Variants in TRPM7 observed in about 807,000 individuals in gnomAD.
TRPM7 encodes the protein LTRPC ion channel family member 7.
Under a neutral mutation model 229.7 loss-of-function variants are expected in TRPM7, and 134 were observed. That is an observed-to-expected ratio of 0.58 (90% CI 0.51 to 0.67). TRPM7 has a LOEUF of 0.67. TRPM7 is among the 30% of genes least tolerant of loss of function. The pLI, the probability that TRPM7 is intolerant of heterozygous loss-of-function variation, is 0.00. For synonymous variants in TRPM7, 699 were observed against 715.2 expected (o/e 0.98, Z 0.36); for missense variants, 1,901 against 2,210.0 (o/e 0.86, Z 2.80).
intron 3 of TRPM7, among the ~76,000 whole-genome samples, chr15:50,653,916 GT>G (rs374634508): frequency 2.0e-4 from 30 of 152,160 alleles, no homozygotes; most frequent in African/African-American, 6.7e-4. Flanking sequence ...TTAGTTCAGC[GT>G]GAAAAGACAT....
chr15:50,637,113 G>A (rs1308394970), intron 7 of TRPM7, among the ~76,000 whole-genome samples: 1 of 146,758 alleles, frequency 6.8e-6, no homozygotes, highest in East Asian at 2.0e-4. Flanking sequence ...GTGACAGAGC[G>A]AGACTCCGCC....
chr15:50,668,501 T>A (rs1567117024), intron 1 of TRPM7, among the ~76,000 whole-genome samples: 1 of 152,048 alleles, frequency 6.6e-6, no homozygotes, highest in Non-Finnish European at 1.5e-5. Context: ...TGGCAATAGA[T>A]TTGTTTTTGT....
intron 2 of TRPM7, among the ~76,000 whole-genome samples, chr15:50,660,962 A>C (rs2061706467): frequency 6.6e-6 from 1 of 151,942 alleles, no homozygotes; most frequent in Non-Finnish European, 1.5e-5. Flanking sequence ...CAATAACAGA[A>C]TATTAACTAC....
At position 50,613,740 on chromosome 15, in the gene TRPM7, A is replaced by G. The variant is rs1404970665; in HGVS notation, c.1737T>C (p.His579=). 10 of 1,612,780 alleles carry G rather than the reference A, an allele frequency of 6.2e-6. No individual in the cohort carries two copies. The highest frequency in any genetic ancestry group is 1.7e-5 in the Admixed American group (1 of 59,844). The change falls in exon 15 of 39, where the codon CAT becomes CAC. Residue 579 remains histidine, a synonymous_variant. Transcript: ENST00000646667. ...GGTAGGGCTGTGCTGTCTTAATGAA[A>G]TGGTTATGCCTCATTTTTTCCTTTT... ...ADKKEKMRHN[H]FIKTAQPYRP...
intron 31 of TRPM7, among the ~76,000 whole-genome samples, chr15:50,578,114 T>G (rs1472891660): frequency 6.6e-6 from 1 of 152,180 alleles, no homozygotes; most frequent in Non-Finnish European, 1.5e-5. Context: ...TAGGCAAAAT[T>G]GTTTTTAGGT....
intron 13 of TRPM7, among the ~76,000 whole-genome samples, chr15:50,618,991 G>T (rs1341727837): frequency 6.6e-6 from 1 of 152,054 alleles, no homozygotes; most frequent in African/African-American, 2.4e-5. Flanking sequence ...TTTTTTAAAG[G>T]GGAGAGAGTT....
chr15:50,679,403 T>C (rs1281551578), intron 1 of TRPM7, among the ~76,000 whole-genome samples: 3 of 147,990 alleles, frequency 2.0e-5, no homozygotes, highest in Non-Finnish European at 4.4e-5. Flanking sequence ...CAACCCATTA[T>C]CTATCAGTGA....
At position 50,596,326 on chromosome 15, in the gene TRPM7, A is replaced by T. The variant is rs1362860897; in HGVS notation, c.3219T>A (p.Thr1073=). 2.5e-6 allele frequency: 4 copies of T among 1,609,846 alleles called. No homozygotes were observed. The highest frequency in any genetic ancestry group is 1.1e-5 in the South Asian group (1 of 90,306). The change falls in exon 23 of 39, where the codon ACT becomes ACA. Residue 1073 remains threonine, a synonymous_variant. Transcript: ENST00000646667. ...PQICGPGTWL[T]PFLQAVYLFV... ...AGAGGTAGACTGCTTGAAGAAATGG[A>T]GTCAACCACGTCCCAGGACCACAGA...
intron 36 of TRPM7, among the ~76,000 whole-genome samples, chr15:50,572,463 A>G (rs991592017): frequency 1.3e-5 from 2 of 152,246 alleles, no homozygotes; most frequent in African/African-American, 4.8e-5. Context: ...AAATTAAGGT[A>G]TGTACACTGT....
At chr15:50,669,836 G>A (rs555313499) in intron 1 of TRPM7, among the ~76,000 whole-genome samples, 1 of 152,164 alleles carries the variant, frequency 6.6e-6, no homozygotes, top group East Asian at 1.9e-4. Flanking sequence ...TCTAATTCTG[G>A]GCACATAATA....
At chr15:50,565,824 T>C (rs2053572908) in intron 38 of TRPM7, among the ~76,000 whole-genome samples, 1 of 118,898 alleles carries the variant, frequency 8.4e-6, no homozygotes, top group Non-Finnish European at 1.9e-5. Context: ...CATAAACTCT[T>C]TTTGTTTTTT....
chr15:50,667,682 G>C (rs1411842367), intron 1 of TRPM7, among the ~76,000 whole-genome samples: 2 of 152,096 alleles, frequency 1.3e-5, no homozygotes, highest in African/African-American at 4.8e-5. Flanking sequence ...ACTCCAGCCT[G>C]GGCAACAGAA....
Position 50,613,690 on chromosome 15 carries a change from T to C in TRPM7, c.1770+17A>G. ...GAAAATAAAAACCCAGAAAGAATAA[T>C]ATTTAAATAAATTTACCTTTGGTCG... On this transcript the variant is annotated intron_variant, in intron 15 of 38. Coordinates refer to ENST00000646667, the MANE Select transcript of TRPM7 (RefSeq NM_017672.6). 6.6e-7 allele frequency: 1 copy of C among 1,507,678 alleles called. No homozygotes were observed. The highest frequency in any genetic ancestry group is 8.8e-7 in the Non-Finnish European group (1 of 1,133,084). The allele number at this position is 1,507,678 out of a possible 1,614,324, so 93.4% of individuals were successfully genotyped here.
chr15:50,587,405 C>CTTTTTTT (rs34826776), intron 27 of TRPM7, among the ~76,000 whole-genome samples: 5 of 91,656 alleles, frequency 5.5e-5, no homozygotes, highest in Admixed American at 1.3e-4. Flanking sequence ...ATAAATACTG[C>CTTTTTTT]TTTTTTTTTT....
At chr15:50,594,660 C>T (rs779152152) in intron 23 of TRPM7, 47 bp from the exon 24 acceptor site, 2 of 1,313,446 alleles carry the variant, frequency 1.5e-6, no homozygotes, top group South Asian at 2.9e-5. Context: ...TTAATCATCT[C>T]TTAAAGTTTT....
chr15:50,613,819 C>A lies in TRPM7; in HGVS notation c.1658G>T (p.Ser553Ile), dbSNP rs766487996. The part of the protein sequence containing the change: ...NNRRSGRNTS[S>I]STPQLRKSHE... Reference sequence around the variant, plus strand: ...ACTCTTTCGCAACTGAGGAGTGCTGCTGGAGGTATTTCGGCCAGACCTCTG... The same window carrying A: ...ACTCTTTCGCAACTGAGGAGTGCTGATGGAGGTATTTCGGCCAGACCTCTG... Residue 553 changes from serine (S) to isoleucine (I), a missense_variant, in exon 15 of 39, where the codon AGC becomes ATC. Ser to Ile is a moderately radical substitution (Grantham distance 142). This residue lies in a region of TRPM7 where 794 missense variants were observed against 881.9 expected (regional missense o/e 0.90). Transcript: ENST00000646667. 1 of 1,612,424 alleles carries A rather than the reference C, an allele frequency of 6.2e-7. No homozygotes were observed. Among genetic ancestry groups the A allele is most frequent in the East Asian group, 2.2e-5 (1 of 44,852 alleles).
chr15:50,634,333 A>G (rs2060824844), intron 8 of TRPM7, 49 bp downstream of exon 8: 1 of 1,255,784 alleles, frequency 8.0e-7, no homozygotes, highest in East Asian at 3.3e-5. Flanking sequence ...TCAAAAATAA[A>G]TAAATAAATA....
chr15:50,667,723 T>C (rs2061915792), intron 1 of TRPM7, among the ~76,000 whole-genome samples: 1 of 152,056 alleles, frequency 6.6e-6, no homozygotes, highest in Non-Finnish European at 1.5e-5. Context: ...AAAAAACATA[T>C]TTAAATAAGA....
At chr15:50,569,246 A>G (rs1226412412) in intron 38 of TRPM7, among the ~76,000 whole-genome samples, 1 of 152,118 alleles carries the variant, frequency 6.6e-6, no homozygotes, top group East Asian at 1.9e-4. Flanking sequence ...ATGCACATCA[A>G]AGAGAGACAA....
Sources: gnomAD v4.1 joint callset for allele counts (sites outside exome capture counted in the v4.1 genomes callset) on GRCh38, gnomAD v4.1.1 for gene constraint, gnomAD v4.1.1 regional missense constraint, MANE v1.5 for transcripts, NCBI Gene and HGNC (gene_info 2026-07-23, HGNC 2026-07-21) for gene names.